The following ANKRD27 variants were observed in gnomAD, a reference collection of about 807,000 sequenced individuals.
ANKRD27 encodes the protein ankyrin repeat domain-containing protein 27.
Under a neutral mutation model 129.7 loss-of-function variants are expected in ANKRD27, and 112 were observed. The ratio of observed to expected loss-of-function variants is 0.86; its 90% CI spans 0.74 to 1.01. ANKRD27 has a LOEUF of 1.01. Among genes scored for constraint, ANKRD27 ranks in the 50% least tolerant of loss-of-function variants. ANKRD27 has a pLI of 0.00. For synonymous variants in ANKRD27, 516 were observed against 511.2 expected, an observed-to-expected ratio of 1.01 and a Z score of -0.13; for missense variants, 1,258 against 1,300.5, an observed-to-expected ratio of 0.97 and a Z score of 0.50.
chr19:32,613,810 G>A (rs573333556), intron 22 of ANKRD27, among the ~76,000 whole-genome samples: 4 of 149,744 alleles, frequency 2.7e-5, no homozygotes, highest in East Asian at 4.0e-4. Flanking sequence ...CCGGGTTCAC[G>A]CCATTCTCCT....
At chr19:32,658,681 C>T (rs1967589627) in intron 2 of ANKRD27, among the ~76,000 whole-genome samples, 1 of 152,194 alleles carries the variant, frequency 6.6e-6, no homozygotes, top group South Asian at 2.1e-4. Flanking sequence ...CAGTTAGCCA[C>T]AGGCGGGGGC....
chr19:32,653,517 C>T (rs972247831), intron 2 of ANKRD27, among the ~76,000 whole-genome samples: 3 of 152,038 alleles, frequency 2.0e-5, no homozygotes, highest in Non-Finnish European at 2.9e-5. Flanking sequence ...TGTAATTAGC[C>T]GGATAGTTGT....
chr19:32,639,188 G>T, intron 12 of ANKRD27, 168 bp downstream of exon 12: 1 of 722,406 alleles, frequency 1.4e-6, no homozygotes, highest in Non-Finnish European at 2.2e-6. Flanking sequence ...TTGAGGGCTT[G>T]GTGTTCTCTT....
intron 12 of ANKRD27, chr19:32,638,650 G>C (rs1223325246): frequency 4.6e-5 from 7 of 152,642 alleles, no homozygotes; most frequent in Admixed American, 4.6e-4. Context: ...TGCAGTTCCT[G>C]GTGTCTCCAA....
chr19:32,673,689 G>C (rs926390606), intron 1 of ANKRD27, among the ~76,000 whole-genome samples: 1 of 152,148 alleles, frequency 6.6e-6, no homozygotes, highest in Non-Finnish European at 1.5e-5. Flanking sequence ...TCCACACAAT[G>C]GTCAAGGCCA....
Position 32,660,345 on chromosome 19 carries a change from C to G in ANKRD27, c.-30-1300G>C, listed in dbSNP as rs570775756. On this transcript the variant is annotated intron_variant, in intron 1 of 28. Coordinates refer to ENST00000306065, the MANE Select transcript of ANKRD27 (RefSeq NM_032139.3). ...ATCACCTGAGGTCAGGAGTTCAAGA[C>G]CAGCCTGGTCAACATGGTGAAACCC... Among the ~76,000 whole-genome samples, 7 of 152,266 alleles carry G rather than the reference C, an allele frequency of 4.6e-5. No homozygotes were observed. The South Asian group carries it at 1.4e-3, about 32-fold the overall frequency.
rs1971596087 is a variant in ANKRD27 at position 32,598,113 on chromosome 19, C to G, written c.*32G>C. On this transcript the variant is annotated 3_prime_UTR_variant, in exon 29 of 29. Coordinates refer to ENST00000306065, the MANE Select transcript of ANKRD27 (RefSeq NM_032139.3). Reference sequence around the variant, plus strand: ...CATCATCTTGTTGCATCCTTGCTTCCTAGCAGTGGGTTCAACAACTCCTCA... The same window carrying G: ...CATCATCTTGTTGCATCCTTGCTTCGTAGCAGTGGGTTCAACAACTCCTCA... 4 of 1,589,208 alleles carry G rather than the reference C, an allele frequency of 2.5e-6. No individual in the cohort carries two copies. The African/African-American group carries it at 4.0e-5, about 16-fold the overall frequency.
intron 11 of ANKRD27, among the ~76,000 whole-genome samples, chr19:32,640,102 C>A (rs950612144): frequency 2.0e-5 from 3 of 152,180 alleles, no homozygotes; most frequent in Admixed American, 1.3e-4. Flanking sequence ...GCTGGGACTA[C>A]AGGTGCCCAC....
chr19:32,621,230 C>A (rs943822850), intron 18 of ANKRD27, among the ~76,000 whole-genome samples: 4 of 152,218 alleles, frequency 2.6e-5, no homozygotes, highest in Admixed American at 2.6e-4. Context: ...GCCTGTAATG[C>A]CAGCACCCTG....
At chr19:32,659,984 T>C (rs1967614316) in intron 1 of ANKRD27, among the ~76,000 whole-genome samples, 1 of 152,176 alleles carries the variant, frequency 6.6e-6, no homozygotes, top group Admixed American at 6.6e-5. Context: ...ATTATCTGGG[T>C]ATGGTGGCAT....
chr19:32,615,510 G>A (rs1971901983), intron 22 of ANKRD27, 148 bp downstream of exon 22: 6 of 1,246,858 alleles, frequency 4.8e-6, no homozygotes, highest in Non-Finnish European at 1.1e-6. Context: ...TTTGAGCCCA[G>A]GCGGTTGAGG....
intron 1 of ANKRD27, among the ~76,000 whole-genome samples, chr19:32,660,028 G>T (rs1208447415): frequency 1.3e-5 from 2 of 152,224 alleles, no homozygotes; most frequent in African/African-American, 4.8e-5. Context: ...GGAGGCTAAG[G>T]CAGGAGGATC....
At chr19:32,620,033 G>A (rs1362737283) in intron 18 of ANKRD27, among the ~76,000 whole-genome samples, 1 of 151,952 alleles carries the variant, frequency 6.6e-6, no homozygotes, top group African/African-American at 2.4e-5. Context: ...GTAAACAAAC[G>A]CCACGGCAAT....
intron 2 of ANKRD27, among the ~76,000 whole-genome samples, chr19:32,657,836 G>A (rs1011584186): frequency 2.6e-5 from 4 of 151,696 alleles, no homozygotes; most frequent in Non-Finnish European, 5.9e-5. Context: ...TTAGCTGGAC[G>A]TGGTTGCACA....
In ANKRD27 at chr19:32,600,149, C is replaced by A. The variant is rs1050484626; in HGVS notation, c.2768-99G>T. 12 of 946,902 alleles carry A rather than the reference C, an allele frequency of 1.3e-5. No individual in the cohort carries two copies. In the African/African-American group the frequency reaches 2.0e-4, roughly 16 times the overall value. The allele number at this position is 946,902 out of a possible 1,614,324, so 58.7% of individuals were successfully genotyped here. ...CACAATCTTTCTATTCTCAGATTTA[C>A]AAAATTTAGAAACTGAAGCACTGAA... On this transcript the variant is annotated intron_variant, in intron 26 of 28. Transcript: ENST00000306065.
At chr19:32,613,707 T>C (rs1355610274) in intron 22 of ANKRD27, among the ~76,000 whole-genome samples, 2 of 94,440 alleles carry the variant, frequency 2.1e-5, no homozygotes, top group Admixed American at 9.9e-5. Flanking sequence ...TTTATGTAAC[T>C]TTTTTTTTTT....
intron 12 of ANKRD27, 156 bp downstream of exon 12, chr19:32,639,200 A>T: frequency 1.2e-6 from 1 of 842,632 alleles, no homozygotes; most frequent in Non-Finnish European, 1.8e-6. Flanking sequence ...TGTTCTCTTC[A>T]CTGAGTGATT....
chr19:32,601,807 T>C (rs1971658079), intron 26 of ANKRD27, among the ~76,000 whole-genome samples: 1 of 152,098 alleles, frequency 6.6e-6, no homozygotes, highest in South Asian at 2.1e-4. Context: ...GGAAACATCA[T>C]TACCATCAAC....
chr19:32,662,685 T>C (rs935353082), intron 1 of ANKRD27, among the ~76,000 whole-genome samples: 4 of 151,936 alleles, frequency 2.6e-5, no homozygotes, highest in Middle Eastern at 3.2e-3. Flanking sequence ...GAGGCTGCAA[T>C]GAACTATGAT....
Sources: allele counts gnomAD v4.1 joint callset (sites outside exome capture counted in the v4.1 genomes callset), GRCh38; gene constraint gnomAD v4.1.1; transcripts MANE v1.5; gene names NCBI Gene and HGNC (gene_info 2026-07-23, HGNC 2026-07-21).